The following ERG variants were observed in gnomAD, a reference collection of about 807,000 sequenced individuals.
ERG encodes the protein ETS transcription factor ERG.
In ERG, 9 loss-of-function variants were observed where a neutral mutation model predicts 55.3. The ratio of observed to expected loss-of-function variants is 0.16; its 90% CI spans 0.10 to 0.28. The LOEUF is 0.28. Ranked by LOEUF, ERG falls within the 10% of genes least tolerant of loss-of-function variation. The probability of loss-of-function intolerance (pLI) is 1.00; values close to 1 mark genes in which losing one functional copy is unlikely to be tolerated. For missense variants in ERG, 434 were observed against 631.6 expected (o/e 0.69, Z 3.35); for synonymous variants, 223 against 237.3 (o/e 0.94, Z 0.55).
At chr21:38,559,383 C>CTTTTTT (rs574207119) in intron 2 of ERG, among the ~76,000 whole-genome samples, 70 of 92,048 alleles carry the variant, frequency 7.6e-4, no homozygotes, top group East Asian at 3.4e-3. Flanking sequence ...TCCCATTTCC[C>CTTTTTT]TTTTTTTTTT....
chr21:38,482,957 C>T (rs946749875), intron 1 of ERG, among the ~76,000 whole-genome samples: 2 of 152,154 alleles, frequency 1.3e-5, no homozygotes, highest in African/African-American at 2.4e-5. Flanking sequence ...GGATTACAAG[C>T]GTAGCCACCA....
intron 3 of ERG, among the ~76,000 whole-genome samples, chr21:38,411,679 T>C (rs969440500): frequency 6.6e-6 from 1 of 152,196 alleles, no homozygotes; most frequent in Non-Finnish European, 1.5e-5. Flanking sequence ...TTTTTATAAA[T>C]GTTCCTTGAT....
chr21:38,650,875 T>TTCTATAGCA (rs2060484767), intron 1 of ERG, among the ~76,000 whole-genome samples: 1 of 152,246 alleles, frequency 6.6e-6, no homozygotes, highest in East Asian at 1.9e-4. Context: ...TAAAGGTTAA[T>TTCTATAGCA]TCTATAGCAA....
chr21:38,384,062 C>CT, intron 9 of ERG, 139 bp from the exon 10 acceptor site: 1 of 1,190,076 alleles, frequency 8.4e-7, no homozygotes, highest in Non-Finnish European at 1.1e-6. Context: ...CATCCCTCAG[C>CT]TGCAGGGGTG....
chr21:38,500,035 T>A (rs7278322), upstream of ERG, among the ~76,000 whole-genome samples: 1,034 of 135,692 alleles, frequency 7.6e-3, 12 homozygotes, highest in Non-Finnish European at 0.012. Flanking sequence ...TGATTAAAAT[T>A]CTGTTTCCCC....
upstream of ERG, among the ~76,000 whole-genome samples, chr21:38,503,030 C>A (rs1377297091): frequency 6.6e-6 from 1 of 151,990 alleles, no homozygotes; most frequent in Non-Finnish European, 1.5e-5. Flanking sequence ...CGGCCAATAA[C>A]CTTTTGTAAT....
intron 2 of ERG, among the ~76,000 whole-genome samples, chr21:38,536,232 G>C (rs983809706): frequency 2.6e-5 from 4 of 152,082 alleles, no homozygotes; most frequent in Admixed American, 2.6e-4. Context: ...ATACTTAGGG[G>C]CTTTGGAAGC....
chr21:38,427,275 A>G (rs1989876156), intron 2 of ERG, among the ~76,000 whole-genome samples: 1 of 150,824 alleles, frequency 6.6e-6, no homozygotes, highest in South Asian at 2.2e-4. Flanking sequence ...GGGTTTCACC[A>G]TGTTGGCCAG....
chr21:38,516,916 C>T (rs185732772), intron 2 of ERG, among the ~76,000 whole-genome samples: 41 of 152,034 alleles, frequency 2.7e-4, no homozygotes, highest in Admixed American at 2.2e-3. Flanking sequence ...TATCCATATG[C>T]GAAAGAATAA....
chr21:38,522,530 C>A (rs116029345), intron 2 of ERG, among the ~76,000 whole-genome samples: 2,435 of 152,184 alleles, frequency 0.016, 71 homozygotes, highest in African/African-American at 0.055. Context: ...ATTTGAAAGT[C>A]ATAAAATGGA....
intron 1 of ERG, among the ~76,000 whole-genome samples, chr21:38,490,698 A>G (rs2059328010): frequency 6.6e-6 from 1 of 152,130 alleles, no homozygotes; most frequent in Non-Finnish European, 1.5e-5. Context: ...GACCACCTCC[A>G]TTTTCCTATA....
At chr21:38,475,594 C>G (rs2059179913) in intron 1 of ERG, among the ~76,000 whole-genome samples, 3 of 152,220 alleles carry the variant, frequency 2.0e-5, no homozygotes, top group Non-Finnish European at 2.9e-5. Context: ...ATTTGCAAAC[C>G]TTGTTCTCAC....
intron 3 of ERG, 82 bp downstream of exon 3, chr21:38,423,328 G>A (rs1219174923): frequency 1.4e-6 from 2 of 1,428,856 alleles, no homozygotes; most frequent in East Asian, 2.3e-5. Flanking sequence ...GCCACAGGTG[G>A]GGGAGAAGAG....
chr21:38,471,501 G>A (rs376604967), intron 1 of ERG: 6 of 152,248 alleles, frequency 3.9e-5, no homozygotes, highest in African/African-American at 1.4e-4. Context: ...ATTCACTCTG[G>A]GACATATCCA....
At chr21:38,570,819 C>T (rs1180489694) in intron 2 of ERG, among the ~76,000 whole-genome samples, 2 of 152,126 alleles carry the variant, frequency 1.3e-5, no homozygotes, top group Non-Finnish European at 2.9e-5. Context: ...TCACAGCTGG[C>T]GACCACGGAG....
chr21:38,542,484 C>T (rs897391313), intron 2 of ERG, among the ~76,000 whole-genome samples: 3 of 152,188 alleles, frequency 2.0e-5, no homozygotes, highest in Admixed American at 6.5e-5. Context: ...ATGACCATGT[C>T]AGGCTTAAAT....
intron 1 of ERG, among the ~76,000 whole-genome samples, chr21:38,635,298 T>G (rs9977881): frequency 1.3e-5 from 2 of 152,022 alleles, no homozygotes; most frequent in Non-Finnish European, 2.9e-5. Context: ...ACTGTAATAG[T>G]AGGCTCACAT....
At chr21:38,451,179 G>A (rs746801232) in intron 1 of ERG, 12 of 505,634 alleles carry the variant, frequency 2.4e-5, no homozygotes, top group Non-Finnish European at 3.9e-5. Context: ...GAAGGGATAA[G>A]TGTCCAGAAT....
chr21:38,486,157 T>A (rs1314168882), intron 1 of ERG, among the ~76,000 whole-genome samples: 2 of 151,674 alleles, frequency 1.3e-5, no homozygotes, highest in Non-Finnish European at 2.9e-5. Context: ...ATGGTCTCCA[T>A]CTCCTGACCT....
Sources: gnomAD v4.1 joint callset for allele counts (sites outside exome capture counted in the v4.1 genomes callset) on GRCh38, gnomAD v4.1.1 for gene constraint, MANE v1.5 for transcripts, NCBI Gene and HGNC (gene_info 2026-07-23, HGNC 2026-07-21) for gene names.